CORO2B: variants seen among roughly 807,000 people sequenced by gnomAD.
CORO2B encodes the protein coronin-2B.
In CORO2B, 26 loss-of-function variants were observed where a neutral mutation model predicts 58.8. The ratio of observed to expected loss-of-function variants is 0.44; its 90% confidence interval spans 0.32 to 0.61. The LOEUF (loss-of-function observed/expected upper bound fraction) is 0.61, where lower values mean the gene tolerates loss of function less well. Among genes scored for constraint, CORO2B ranks in the 20% least tolerant of loss-of-function variants. The pLI, the probability that CORO2B is intolerant of heterozygous loss-of-function variation, is 0.04. For missense variants in CORO2B, 460 were observed against 645.1 expected (o/e 0.71, Z 3.11); for synonymous variants, 242 against 253.8 (o/e 0.95, Z 0.44).
intron 1 of CORO2B, among the ~76,000 whole-genome samples, chr15:68,628,162 A>G (rs1260809087): frequency 6.6e-6 from 1 of 152,256 alleles, no homozygotes; most frequent in East Asian, 1.9e-4. Context: ...TACCATAATG[A>G]CCAGATCTCC....
At chr15:68,675,944 ATATAG>A (rs57483551) in intron 2 of CORO2B, among the ~76,000 whole-genome samples, 1,995 of 152,316 alleles carry the variant, frequency 0.013, 39 homozygotes, top group African/African-American at 0.046. Context: ...ATAGGGTATA[ATATAG>A]TATAATAATA....
chr15:68,657,883 A>C (rs1259451114), intron 2 of CORO2B, among the ~76,000 whole-genome samples: 1 of 152,212 alleles, frequency 6.6e-6, no homozygotes, highest in Non-Finnish European at 1.5e-5. Flanking sequence ...CCCCACTCAG[A>C]TTAAAGACCT....
At chr15:68,693,330 A>G (rs1892431429) in intron 2 of CORO2B, among the ~76,000 whole-genome samples, 1 of 152,226 alleles carries the variant, frequency 6.6e-6, no homozygotes, top group Admixed American at 6.5e-5. Flanking sequence ...ACTCTTCTTC[A>G]TCTCACTGGG....
intron 3 of CORO2B, among the ~76,000 whole-genome samples, chr15:68,707,504 G>A (rs144097837): frequency 3.3e-5 from 5 of 152,274 alleles, no homozygotes; most frequent in African/African-American, 9.6e-5. Context: ...AATAGAGGTC[G>A]ATTATATTCA....
intron 3 of CORO2B, among the ~76,000 whole-genome samples, chr15:68,700,211 T>C (rs1892607695): frequency 6.6e-6 from 1 of 151,442 alleles, no homozygotes; most frequent in Non-Finnish European, 1.5e-5. Flanking sequence ...GCTTGGGAGG[T>C]CAGTCGGCAA....
chr15:68,558,785 A>C, the CORO2B span, among the ~76,000 whole-genome samples: 1 of 152,148 alleles, frequency 6.6e-6, no homozygotes, highest in Non-Finnish European at 1.5e-5. Context: ...GGAGAGGTGC[A>C]AGGAGCCAGG....
intron 3 of CORO2B, among the ~76,000 whole-genome samples, chr15:68,709,306 CT>C (rs2140325617): frequency 6.6e-6 from 1 of 152,264 alleles, no homozygotes; most frequent in Non-Finnish European, 1.5e-5. Context: ...CAATCTATAA[CT>C]TCTAGTATTA....
chr15:68,569,349 C>T, the CORO2B span, among the ~76,000 whole-genome samples: 1 of 152,360 alleles, frequency 6.6e-6, no homozygotes, highest in Middle Eastern at 3.4e-3. Flanking sequence ...CTCCATAGTT[C>T]TGCCTTTTCC....
chr15:68,701,600 C>T (rs1892652455), intron 3 of CORO2B, among the ~76,000 whole-genome samples: 1 of 149,716 alleles, frequency 6.7e-6, no homozygotes. Context: ...ATTCTCCTGC[C>T]TCAGCCTCCC....
chr15:68,691,002 T>C (rs952238808), intron 2 of CORO2B, among the ~76,000 whole-genome samples: 2 of 151,746 alleles, frequency 1.3e-5, no homozygotes, highest in African/African-American at 4.8e-5. Context: ...GAGTTAATAA[T>C]TGCATTTTTA....
intron 1 of CORO2B, among the ~76,000 whole-genome samples, chr15:68,638,701 C>T (rs1358700667): frequency 6.6e-6 from 1 of 152,206 alleles, no homozygotes; most frequent in Non-Finnish European, 1.5e-5. Flanking sequence ...GTCTTGGCTA[C>T]ACCATTTTGA....
At position 68,684,180 on chromosome 15, in the gene CORO2B, T is replaced by C. The variant is rs190009938; in HGVS notation, c.217-10960T>C. On this transcript the variant is annotated intron_variant, in intron 2 of 11. Coordinates refer to ENST00000261861, the MANE Select transcript of CORO2B (RefSeq NM_006091.5). ...AGTGAATAAAGCCTTTGACTCAAAATAGATGTCCTAGAAGTCTGCCTGAGA... is the reference window on the plus strand; with the variant it reads ...AGTGAATAAAGCCTTTGACTCAAAACAGATGTCCTAGAAGTCTGCCTGAGA... 3.6e-3 allele frequency among the ~76,000 whole-genome samples: 551 copies of C among 152,260 alleles called. 1 individual carries two copies. Among genetic ancestry groups the C allele is most frequent in the Non-Finnish European group, 4.5e-3 (307 of 68,014 alleles).
At chr15:68,695,402 G>C (rs1892487232) in intron 3 of CORO2B, 146 bp downstream of exon 3, 1 of 640,818 alleles carries the variant, frequency 1.6e-6, no homozygotes, top group Non-Finnish European at 2.8e-6. Context: ...CACGATGTGG[G>C]GGGGATGGGA....
At chr15:68,571,742 C>A in the CORO2B span, among the ~76,000 whole-genome samples, 1 of 152,178 alleles carries the variant, frequency 6.6e-6, no homozygotes, top group African/African-American at 2.4e-5. Context: ...GGGAGATAAG[C>A]CTTGTTCTTG....
At chr15:68,612,064 C>A (rs1313280121) in intron 1 of CORO2B, among the ~76,000 whole-genome samples, 4 of 152,220 alleles carry the variant, frequency 2.6e-5, no homozygotes, top group African/African-American at 9.6e-5. Context: ...AGCCACTGCA[C>A]CCGGCCTCAA....
intron 1 of CORO2B, 122 bp downstream of exon 1, chr15:68,579,399 C>G: frequency 1.0e-6 from 1 of 998,524 alleles, no homozygotes; most frequent in Non-Finnish European, 1.3e-6. Flanking sequence ...AGGTGCGGCG[C>G]GCGCCTCTCT....
In CORO2B at chr15:68,585,621, G is replaced by A. The variant is rs1346700987; in HGVS notation, c.15+6344G>A. 2.6e-5 allele frequency among the ~76,000 whole-genome samples: 4 copies of A among 152,090 alleles called. No individual in the cohort carries two copies. The East Asian group carries it at 7.7e-4, about 29-fold the overall frequency. ...AGGCCTTTGGTCCTGGGGCATGATC[G>A]TACTCTGCTTCCACTCCCCACCAAC... On this transcript the variant is annotated intron_variant, in intron 1 of 11. Coordinates refer to ENST00000261861, the MANE Select transcript of CORO2B (RefSeq NM_006091.5).
intron 2 of CORO2B, among the ~76,000 whole-genome samples, chr15:68,673,190 G>A (rs1902461351): frequency 6.6e-6 from 1 of 152,130 alleles, no homozygotes; most frequent in Non-Finnish European, 1.5e-5. Flanking sequence ...GAATGTCAGA[G>A]TTGGAAGGAG....
chr15:68,637,732 G>A (rs1047751563), intron 1 of CORO2B, among the ~76,000 whole-genome samples: 29 of 102,656 alleles, frequency 2.8e-4, no homozygotes, highest in Non-Finnish European at 4.5e-4. Context: ...AGATCTGAGA[G>A]TTCTCCTGGG....
Sources: allele counts gnomAD v4.1 joint callset (sites outside exome capture counted in the v4.1 genomes callset), GRCh38; gene constraint gnomAD v4.1.1; transcripts MANE v1.5; gene names NCBI Gene and HGNC (gene_info 2026-07-23, HGNC 2026-07-21).